The following AOAH variants were observed in gnomAD, a reference collection of about 807,000 sequenced individuals.
The protein encoded by AOAH is acyloxyacyl hydrolase.
In AOAH, 64 loss-of-function variants were observed where a neutral mutation model predicts 92.2. The ratio of observed to expected loss-of-function variants is 0.69; its 90% CI spans 0.57 to 0.86. AOAH has a LOEUF of 0.86. Ranked by LOEUF, AOAH falls within the 40% of genes least tolerant of loss-of-function variation. The probability of loss-of-function intolerance (pLI) is 0.00; values close to 1 mark genes in which losing one functional copy is unlikely to be tolerated. For missense variants in AOAH, 656 were observed against 694.6 expected, an observed-to-expected ratio of 0.94 and a Z score of 0.62; for synonymous variants, 263 against 254.5, an observed-to-expected ratio of 1.03 and a Z score of -0.32.
At chr7:36,557,466 G>A (rs1260255359) in intron 13 of AOAH, among the ~76,000 whole-genome samples, 1 of 151,854 alleles carries the variant, frequency 6.6e-6, no homozygotes, top group Non-Finnish European at 1.5e-5. Flanking sequence ...ATGTGTCTTG[G>A]AGTTGCTCTT....
chr7:36,716,970 T>TAATA (rs200867596), intron 1 of AOAH, among the ~76,000 whole-genome samples: 3,363 of 142,766 alleles, frequency 0.024, 63 homozygotes, highest in East Asian at 0.069. Context: ...ACTTAAAGTA[T>TAATA]AATAAATAAA....
intron 3 of AOAH, among the ~76,000 whole-genome samples, chr7:36,669,261 A>G (rs1795750834): frequency 6.6e-6 from 1 of 152,136 alleles, no homozygotes; most frequent in Non-Finnish European, 1.5e-5. Context: ...TTCTTCATAT[A>G]ACTTAATACT....
intron 7 of AOAH, among the ~76,000 whole-genome samples, chr7:36,622,476 C>T (rs1452456736): frequency 6.6e-6 from 1 of 152,150 alleles, no homozygotes; most frequent in African/African-American, 2.4e-5. Flanking sequence ...TCTGAGATTT[C>T]CCAAACTTTT....
intron 4 of AOAH, among the ~76,000 whole-genome samples, chr7:36,644,183 T>G (rs1562652645): frequency 6.6e-6 from 1 of 152,180 alleles, no homozygotes; most frequent in Non-Finnish European, 1.5e-5. Context: ...CTTTTACAGA[T>G]GTGGTAAACT....
At chr7:36,691,621 T>A (rs896222925) in intron 1 of AOAH, among the ~76,000 whole-genome samples, 2 of 152,202 alleles carry the variant, frequency 1.3e-5, no homozygotes, top group African/African-American at 2.4e-5. Flanking sequence ...ATACCCCTTC[T>A]ATTACTTATG....
chr7:36,688,347 CCAGA>C lies in AOAH; in HGVS notation c.128-1557_128-1554del, dbSNP rs776136598. On this transcript the variant is annotated intron_variant, in intron 1 of 20. Transcript: ENST00000617537. ...AGATAATAAACATCACTCAACCCAC[CCAGA>C]CAGAGATAACCAATTTCACTTTTAT... 5.3e-5 allele frequency among the ~76,000 whole-genome samples: 8 copies of C among 151,882 alleles called. 1 individual carries two copies. The highest frequency in any genetic ancestry group is 4.8e-5 in the African/African-American group (2 of 41,444).
At chr7:36,577,410 C>A (rs1266413540) in intron 12 of AOAH, among the ~76,000 whole-genome samples, 1 of 152,162 alleles carries the variant, frequency 6.6e-6, no homozygotes, top group Non-Finnish European at 1.5e-5. Context: ...GAGGGGTGAG[C>A]TGGAAGGAGC....
intron 1 of AOAH, among the ~76,000 whole-genome samples, chr7:36,703,465 T>C (rs2116906747): frequency 6.6e-6 from 1 of 152,328 alleles, no homozygotes; most frequent in South Asian, 2.1e-4. Context: ...TACATGGGTA[T>C]ACACGTGCCA....
At position 36,687,533 on chromosome 7, in the gene AOAH, A is replaced by G. The variant is rs533777013; in HGVS notation, c.128-739T>C. 2.0e-4 allele frequency among the ~76,000 whole-genome samples: 29 copies of G among 143,302 alleles called. No individual in the cohort carries two copies. The East Asian group carries it at 5.2e-3, about 26-fold the overall frequency. 94.0% of individuals were successfully genotyped at this position (143,302 alleles called of 152,430 possible). ...ACTCACTGAGCAGCAGGGGAAAACC[A>G]AACCTTTTTTTTTTTTTCCAAAGAA... On this transcript the variant is annotated intron_variant, in intron 1 of 20. Transcript: ENST00000617537.
intron 13 of AOAH, among the ~76,000 whole-genome samples, chr7:36,557,947 G>A (rs943945648): frequency 2.6e-5 from 4 of 151,912 alleles, no homozygotes; most frequent in South Asian, 2.1e-4. Context: ...CCTGTAGCTC[G>A]GAGTAGTTTG....
intron 2 of AOAH, among the ~76,000 whole-genome samples, chr7:36,675,299 A>C (rs1028998694): frequency 6.6e-6 from 1 of 152,246 alleles, no homozygotes; most frequent in African/African-American, 2.4e-5. Flanking sequence ...GTAGGCAATT[A>C]AAACTGTGTC....
Position 36,686,780 on chromosome 7 carries a change from C to A in AOAH, c.142G>T (p.Val48Leu), listed in dbSNP as rs750221911. Residue 48 changes from valine to leucine, a missense_variant, in exon 2 of 21, where the codon GTG becomes TTG. By Grantham distance (32) the Val-to-Leu change is conservative. Transcript: ENST00000617537. The stretch of plus-strand genomic sequence containing the variant: ...TGAGCAAGCTGTTCTATTACAGACA[C>A]CACCAGCACACACCCTGCCAGGGAG... ...GHTCVGCVLV[V>L]SVIEQLAQVH... 4.5e-6 allele frequency: 7 copies of A among 1,567,100 alleles called. No homozygotes were observed. The highest frequency in any genetic ancestry group is 1.9e-5 in the Admixed American group (1 of 53,840).
At chr7:36,538,314 AC>A (rs1187786961) in intron 16 of AOAH, among the ~76,000 whole-genome samples, 1 of 152,068 alleles carries the variant, frequency 6.6e-6, no homozygotes, top group Non-Finnish European at 1.5e-5. Context: ...GGCATGAGCC[AC>A]CGTGCCTGGC....
intron 1 of AOAH, among the ~76,000 whole-genome samples, chr7:36,720,752 G>A (rs1025713249): frequency 6.6e-6 from 1 of 152,086 alleles, no homozygotes; most frequent in African/African-American, 2.4e-5. Context: ...ATTTCCTGAA[G>A]ACAGACATTC....
chr7:36,652,220 T>C (rs955688780), intron 4 of AOAH, among the ~76,000 whole-genome samples: 1 of 151,744 alleles, frequency 6.6e-6, no homozygotes, highest in Non-Finnish European at 1.5e-5. Flanking sequence ...GACAGAGGCA[T>C]GTCAAAAGGA....
intron 1 of AOAH, among the ~76,000 whole-genome samples, chr7:36,714,120 T>A (rs905192150): frequency 6.6e-6 from 1 of 151,814 alleles, no homozygotes; most frequent in African/African-American, 2.4e-5. Flanking sequence ...ATCTAATAGA[T>A]GCAATAAAAA....
intron 15 of AOAH, among the ~76,000 whole-genome samples, chr7:36,547,291 AC>A (rs1248331420): frequency 6.6e-6 from 1 of 152,256 alleles, no homozygotes. Flanking sequence ...GCCTAAGGGC[AC>A]CAAGGTGACA....
chr7:36,639,917 C>G (rs574467150), intron 4 of AOAH, among the ~76,000 whole-genome samples: 2 of 152,134 alleles, frequency 1.3e-5, no homozygotes, highest in African/African-American at 4.8e-5. Context: ...TTGAGAGAAC[C>G]AATCTCATTT....
At chr7:36,548,778 G>T in intron 14 of AOAH, 92 bp from the exon 15 acceptor site, 1 of 1,138,788 alleles carries the variant, frequency 8.8e-7, no homozygotes, top group Non-Finnish European at 1.3e-6. Flanking sequence ...AAACAATCTT[G>T]GTATGACCAC....
Sources: allele counts gnomAD v4.1 joint callset (sites outside exome capture counted in the v4.1 genomes callset), GRCh38; gene constraint gnomAD v4.1.1; transcripts MANE v1.5; gene names NCBI Gene and HGNC (gene_info 2026-07-23, HGNC 2026-07-21).